The following BRCA1 variants were observed in gnomAD, a reference collection of about 807,000 sequenced individuals.
BRCA1 encodes the protein BRCA1 DNA repair associated, also known as breast cancer type 1 susceptibility protein.
Under a neutral mutation model 173.7 loss-of-function variants are expected in BRCA1, and 140 were observed. The observed-to-expected ratio is 0.81, with a 90% CI of 0.70 to 0.93. The LOEUF is 0.93. Among genes scored for constraint, BRCA1 ranks in the 40% least tolerant of loss-of-function variants. BRCA1 has a pLI of 0.00. For missense variants in BRCA1, 1,983 were observed against 2,172.5 expected (o/e 0.91, Z 1.73); for synonymous variants, 662 against 756.0 (o/e 0.88, Z 2.04).
intron 18 of BRCA1, among the ~76,000 whole-genome samples, chr17:43,058,586 G>A (rs927845290): frequency 1.3e-5 from 2 of 152,122 alleles, no homozygotes; most frequent in Non-Finnish European, 2.9e-5. Flanking sequence ...GGGACTTAAT[G>A]TATTTTAATT....
At chr17:43,103,533 G>T (rs141916114) in intron 6 of BRCA1, among the ~76,000 whole-genome samples, 5 of 151,592 alleles carry the variant, frequency 3.3e-5, no homozygotes, top group African/African-American at 4.8e-5. Context: ...TATGTTGCCT[G>T]GGCTGGTCTC....
upstream of BRCA1, among the ~76,000 whole-genome samples, chr17:43,129,437 T>TA (rs374337118): frequency 8.4e-3 from 1,274 of 152,338 alleles, 5 homozygotes; most frequent in South Asian, 0.028. Flanking sequence ...AGACGAAGAT[T>TA]AATTTCCCTA....
In BRCA1 at chr17:43,133,614, T is replaced by G. The variant is rs532569189; in HGVS notation, c.-19-9499A>C. Among the ~76,000 whole-genome samples, 18 of 151,578 alleles carry G rather than the reference T, an allele frequency of 1.2e-4. No homozygotes were observed. In the Middle Eastern group the frequency reaches 0.014, roughly 116 times the overall value. On this transcript the variant is annotated intron_variant, in intron 1 of 7. Coordinates refer to the BRCA1 transcript ENST00000634433. ...TCTTTAGCTCCTTTCCATTCTGGCC[T>G]TCTCCCTTTCCTTTTTCACTTCCTT...
At chr17:43,126,693 C>T (rs1470623817), upstream of BRCA1, among the ~76,000 whole-genome samples, 1 of 152,296 alleles carries the variant, frequency 6.6e-6, no homozygotes, top group Non-Finnish European at 1.5e-5. Flanking sequence ...GCTAGCAGCC[C>T]TCGCTCGCTC....
rs79046304 is a variant in BRCA1, at chr17:43,087,979, G to A, written c.4185+2965C>T. Among the ~76,000 whole-genome samples the A allele has an allele frequency of 4.6e-5, 7 of 151,962 alleles. No homozygotes were observed. In the East Asian group the frequency reaches 1.4e-3, roughly 29 times the overall value. ...ACAACTCACTGCAGCCTTGACCTCC[G>A]GGGCTCAGGCAATCTTCCTGCCTCA... On this transcript the variant is annotated intron_variant, in intron 11 of 22. Transcript: ENST00000357654.
intron 12 of BRCA1, among the ~76,000 whole-genome samples, chr17:43,078,687 CTGAG>C (rs1198143413): frequency 6.6e-6 from 1 of 151,968 alleles, no homozygotes; most frequent in African/African-American, 2.4e-5. Context: ...CATTGATTTC[CTGAG>C]TTAGTCTTCA....
At chr17:43,119,436 A>G (rs2055448335) in intron 2 of BRCA1, among the ~76,000 whole-genome samples, 1 of 152,188 alleles carries the variant, frequency 6.6e-6, no homozygotes, top group African/African-American at 2.4e-5. Flanking sequence ...TTCTACTACC[A>G]GTTGTGTATA....
At chr17:43,080,492 C>T (rs1381063699) in intron 12 of BRCA1, among the ~76,000 whole-genome samples, 1 of 151,922 alleles carries the variant, frequency 6.6e-6, no homozygotes, top group South Asian at 2.1e-4. Context: ...CCACCGTACC[C>T]GGCAACAATA....
At position 43,067,836 on chromosome 17, in the gene BRCA1, A is replaced by AT. The variant is rs11421283; in HGVS notation, c.4987-142dup. On this transcript the variant is annotated intron_variant, in intron 15 of 22. Transcript: ENST00000357654. ...CGTGTCCTGGAACTATTTAAAGTGA[A>AT]TTTTTTTTTTTTTTTTTTTAGACAG... is the stretch of plus-strand genomic sequence containing the variant. 23,655 of 214,648 alleles carry AT rather than the reference A, an allele frequency of 0.11. 3,161 individuals are homozygous for AT. The highest frequency in any genetic ancestry group is 0.5 in the African/African-American group (11,673 of 23,350). 13.3% of individuals were successfully genotyped at this position (214,648 alleles called of 1,614,324 possible). A position where few individuals can be genotyped will look rare whatever the true frequency, so the allele number is the denominator to read the frequency against.
At chr17:43,140,076 C>T (rs2056064463) in intron 1 of BRCA1, 3 of 359,562 alleles carry the variant, frequency 8.3e-6, no homozygotes, top group Non-Finnish European at 1.7e-5. Flanking sequence ...TGCTTTCAGC[C>T]CCATTCCCCA....
chr17:43,166,134 C>CTGTGTGTG (rs56168313), intron 1 of BRCA1: 79 of 148,420 alleles, frequency 5.3e-4, no homozygotes, highest in African/African-American at 1.9e-3. Flanking sequence ...TCCTCTCTCT[C>CTGTGTGTG]TGTGTGTGTG....
chr17:43,070,789 T>A lies in BRCA1; in HGVS notation c.4986+139A>T, dbSNP rs1026943630. 5.5e-5 allele frequency: 55 copies of A among 1,005,276 alleles called. No individual in the cohort carries two copies. The African/African-American group carries it at 8.7e-4, about 16-fold the overall frequency. 62.3% of individuals were successfully genotyped at this position (1,005,276 alleles called of 1,614,324 possible). ...GATCTAAATTTTCAGAAATTAGTAA[T>A]CGAAATTAAATTACACAGAACTGTG... On this transcript the variant is annotated intron_variant, in intron 15 of 22. Coordinates refer to ENST00000357654, the MANE Select transcript of BRCA1 (RefSeq NM_007294.4).
At chr17:43,140,126 C>G in intron 1 of BRCA1, 1 of 328,344 alleles carries the variant, frequency 3.0e-6, no homozygotes, top group Non-Finnish European at 6.1e-6. Flanking sequence ...TCGATCATGC[C>G]TGCGTGACAA....
At chr17:43,147,656 G>A (rs2056132258) in intron 1 of BRCA1, among the ~76,000 whole-genome samples, 1 of 152,172 alleles carries the variant, frequency 6.6e-6, no homozygotes, top group Admixed American at 6.5e-5. Context: ...TAGAGTGGGG[G>A]CCCAAAAACC....
At chr17:43,152,098 A>C (rs554629915) in intron 1 of BRCA1, among the ~76,000 whole-genome samples, 9 of 152,340 alleles carry the variant, frequency 5.9e-5, no homozygotes, top group African/African-American at 2.2e-4. Flanking sequence ...TGTGTGATGG[A>C]GCCAAGATTT....
chr17:43,134,857 T>TA (rs1256587974), intron 1 of BRCA1, among the ~76,000 whole-genome samples: 1 of 152,160 alleles, frequency 6.6e-6, no homozygotes, highest in Non-Finnish European at 1.5e-5. Flanking sequence ...TTTGCAGAGA[T>TA]AAAAGGGATA....
chr17:43,092,797 T>G lies in BRCA1; in HGVS notation c.2734A>C (p.Lys912Gln), dbSNP rs1555589048. Residue 912 changes from lysine (K) to glutamine (Q), a missense_variant, in exon 10 of 23, where the codon AAG becomes CAG. By Grantham distance (53) the Lys-to-Gln change is moderately conservative. Coordinates refer to ENST00000357654, the MANE Select transcript of BRCA1 (RefSeq NM_007294.4). ...ECEQKEENQG[K>Q]NESNIKPVQT... ...ACAGGCTTGATATTAGACTCATTCT[T>G]TCCTTGATTTTCTTCCTTTTGTTCA... 5 of 1,613,990 alleles carry G rather than the reference T, an allele frequency of 3.1e-6. No homozygotes were observed. Among genetic ancestry groups the G allele is most frequent in the Non-Finnish European group, 4.2e-6 (5 of 1,179,934 alleles).
intron 11 of BRCA1, among the ~76,000 whole-genome samples, chr17:43,089,526 C>T (rs1469554125): frequency 6.7e-6 from 1 of 150,310 alleles, no homozygotes; most frequent in African/African-American, 2.4e-5. Flanking sequence ...CCATTAGGTC[C>T]AGAAAGTAAA....
intron 2 of BRCA1, among the ~76,000 whole-genome samples, chr17:43,116,032 A>G (rs1215349860): frequency 6.6e-6 from 1 of 152,194 alleles, no homozygotes; most frequent in Non-Finnish European, 1.5e-5. Flanking sequence ...AATACTCTAT[A>G]CTATCATCAG....
Sources: allele counts gnomAD v4.1 joint callset (sites outside exome capture counted in the v4.1 genomes callset), GRCh38; gene constraint gnomAD v4.1.1; transcripts MANE v1.5; gene names NCBI Gene and HGNC (gene_info 2026-07-23, HGNC 2026-07-21).